The following DST variants were observed in gnomAD, a reference collection of about 807,000 sequenced individuals.
DST encodes the protein bullous pemphigoid antigen.
DST carries 253 observed loss-of-function variants against 875.2 expected under a neutral mutation model. That is an observed-to-expected ratio of 0.29 (90% confidence interval 0.26 to 0.32). The LOEUF is 0.32. Among genes scored for constraint, DST ranks in the 10% least tolerant of loss-of-function variants. The pLI, the probability that DST is intolerant of heterozygous loss-of-function variation, is 1.00. For missense variants in DST, 8,287 were observed against 9,111.6 expected (o/e 0.91, Z 3.68); for synonymous variants, 3,124 against 3,197.1 (o/e 0.98, Z 0.77).
intron 49 of DST, among the ~76,000 whole-genome samples, chr6:56,581,533 A>G (rs2097993095): frequency 6.6e-6 from 1 of 152,228 alleles, no homozygotes; most frequent in Admixed American, 6.5e-5. Context: ...ATGTGGCTCA[A>G]CAATGGGAAG....
intron 4 of DST, among the ~76,000 whole-genome samples, chr6:56,789,548 T>G (rs2099711365): frequency 6.6e-6 from 1 of 152,126 alleles, no homozygotes; most frequent in Non-Finnish European, 1.5e-5. Flanking sequence ...GCAATCAATC[T>G]CTAGAAGTTT....
intron 4 of DST, among the ~76,000 whole-genome samples, chr6:56,819,013 T>A (rs1249253081): frequency 6.6e-6 from 1 of 152,074 alleles, no homozygotes; most frequent in African/African-American, 2.4e-5. Context: ...GACTTTTCCA[T>A]CTTCAGAAAA....
chr6:56,872,500 C>T (rs1032798963), intron 3 of DST, among the ~76,000 whole-genome samples: 1 of 151,848 alleles, frequency 6.6e-6, no homozygotes, highest in Non-Finnish European at 1.5e-5. Flanking sequence ...CTAGCCTGGG[C>T]AACAGAGTAA....
chr6:56,707,891 C>T (rs147551308), intron 5 of DST, among the ~76,000 whole-genome samples: 349 of 152,176 alleles, frequency 2.3e-3, no homozygotes, highest in Non-Finnish European at 2.1e-3. Context: ...AAAAGATGGC[C>T]GGGTGTGGTG....
At chr6:56,911,027 C>G (rs1798625189) in intron 2 of DST, among the ~76,000 whole-genome samples, 1 of 152,144 alleles carries the variant, frequency 6.6e-6, no homozygotes, top group Non-Finnish European at 1.5e-5. Context: ...AAGGCTCCAC[C>G]CACAGTCCCT....
At chr6:56,562,605 A>G (rs1441892044) in intron 55 of DST, among the ~76,000 whole-genome samples, 6 of 151,070 alleles carry the variant, frequency 4.0e-5, no homozygotes, top group African/African-American at 1.5e-4. Flanking sequence ...TATTTATTTT[A>G]TTATATTTTA....
rs34159658 is a variant in DST at position 56,947,250 on chromosome 6, C to CTT, written c.216+6533_216+6534dup. On this transcript the variant is annotated intron_variant, in intron 2 of 103. Transcript: ENST00000680361. ...AAATGGTGATTTTTTGCTACTCTCT[C>CTT]TTTTTTTTTTTTTTTTTCTGAGACA... Among the ~76,000 whole-genome samples, 376 of 135,462 alleles carry CTT rather than the reference C, an allele frequency of 2.8e-3. 7 individuals carry two copies. The highest frequency in any genetic ancestry group is 4.8e-3 in the Admixed American group (63 of 13,250). 88.9% of individuals were successfully genotyped at this position (135,462 alleles called of 152,430 possible). A position where few individuals can be genotyped will look rare whatever the true frequency, so the allele number is the denominator to read the frequency against.
chr6:56,602,942 A>G lies in DST; in HGVS notation c.11247T>C (p.Asp3749=). 1 of 1,590,340 alleles carries G rather than the reference A, an allele frequency of 6.3e-7. No homozygotes were observed. Among genetic ancestry groups the G allele is most frequent in the Non-Finnish European group, 8.5e-7 (1 of 1,173,370 alleles). Reference sequence around the variant, plus strand: ...AATCTTGAACATTCACAATCTCAATATCCTTCACAGATTTGCTCTTCTCTG... The same window carrying G: ...AATCTTGAACATTCACAATCTCAATGTCCTTCACAGATTTGCTCTTCTCTG... ...WVSEKSKSVK[D]IEIVNVQDSE... Residue 3749 remains aspartate (D), a synonymous_variant, in exon 43 of 104, where the codon GAT becomes GAC. Transcript: ENST00000680361.
chr6:56,817,886 A>T (rs1323671905), intron 4 of DST, among the ~76,000 whole-genome samples: 1 of 152,202 alleles, frequency 6.6e-6, no homozygotes, highest in Admixed American at 6.5e-5. Context: ...CGATTAAGTT[A>T]AGGATCTTGT....
intron 36 of DST, chr6:56,619,728 G>T: frequency 6.2e-7 from 1 of 1,614,030 alleles, no homozygotes; most frequent in Non-Finnish European, 8.5e-7. Flanking sequence ...CTGAGTTGTT[G>T]AGAATACCCT....
intron 4 of DST, among the ~76,000 whole-genome samples, chr6:56,737,892 T>C (rs1384799152): frequency 6.6e-6 from 1 of 152,154 alleles, no homozygotes; most frequent in African/African-American, 2.4e-5. Context: ...GTGCTTACAA[T>C]AGGAAAATAA....
intron 88 of DST, chr6:56,484,528 G>A (rs1162606639): frequency 6.6e-6 from 1 of 152,116 alleles, no homozygotes; most frequent in Admixed American, 6.5e-5. Context: ...TCAGATACTA[G>A]AGAGAAGAAA....
chr6:56,932,140 G>A (rs1284569439), intron 2 of DST, among the ~76,000 whole-genome samples: 1 of 152,152 alleles, frequency 6.6e-6, no homozygotes, highest in Non-Finnish European at 1.5e-5. Context: ...TCCAGTGGGA[G>A]ATAATTTGAA....
chr6:56,859,088 T>G (rs571405893), intron 3 of DST, among the ~76,000 whole-genome samples: 1 of 152,330 alleles, frequency 6.6e-6, no homozygotes, highest in African/African-American at 2.4e-5. Context: ...AGACTTGTAC[T>G]GGGTTCAGTA....
chr6:56,673,417 T>C (rs770914797), intron 9 of DST, among the ~76,000 whole-genome samples: 3 of 152,150 alleles, frequency 2.0e-5, no homozygotes, highest in Non-Finnish European at 4.4e-5. Context: ...AAATGGTAGA[T>C]AGCTGGGGTT....
chr6:56,502,500 C>T (rs1483216898), intron 78 of DST, among the ~76,000 whole-genome samples: 5 of 152,030 alleles, frequency 3.3e-5, no homozygotes, highest in Non-Finnish European at 5.9e-5. Flanking sequence ...AAGCTAAAGA[C>T]ATAGGAGTAA....
chr6:56,575,477 G>A (rs2097850679), intron 50 of DST, among the ~76,000 whole-genome samples: 1 of 152,076 alleles, frequency 6.6e-6, no homozygotes, highest in Non-Finnish European at 1.5e-5. Context: ...GCATCAACAG[G>A]GTAAGTAAAA....
rs776800059 is a variant in DST at position 56,573,868 on chromosome 6, A to G, written c.13047T>C (p.Tyr4349=). 16 of 1,612,674 alleles carry G rather than the reference A, an allele frequency of 9.9e-6. No individual in the cohort carries two copies. Among genetic ancestry groups the G allele is most frequent in the Middle Eastern group, 1.6e-4 (1 of 6,078 alleles). ...CATTAACAGACTTGGACAGATCCTC[A>G]TATCTCCCAACAATGTCATCTACTC... The part of the protein sequence containing the change: ...QKTLDDIVGR[Y]EDLSKSVNER... The change falls in exon 51 of 104, where the codon TAT becomes TAC. Residue 4349 remains tyrosine (Y), a synonymous_variant. Coordinates refer to ENST00000680361, the MANE Select transcript of DST (RefSeq NM_001374736.1).
intron 4 of DST, among the ~76,000 whole-genome samples, chr6:56,781,445 G>C (rs1224799568): frequency 6.6e-6 from 1 of 152,114 alleles, no homozygotes; most frequent in Non-Finnish European, 1.5e-5. Flanking sequence ...CACGTCCCTT[G>C]TAAGTTGGAT....
Sources: gnomAD v4.1 joint callset for allele counts (sites outside exome capture counted in the v4.1 genomes callset) on GRCh38, gnomAD v4.1.1 for gene constraint, MANE v1.5 for transcripts, NCBI Gene and HGNC (gene_info 2026-07-23, HGNC 2026-07-21) for gene names.